The following PCDHGB4 variants were observed in gnomAD, a reference collection of about 807,000 sequenced individuals.
The protein encoded by PCDHGB4 is protocadherin gamma-B4.
PCDHGB4 carries 38 observed loss-of-function variants against 60.5 expected under a neutral mutation model. That is an observed-to-expected ratio of 0.63 (90% CI 0.48 to 0.82). The LOEUF (loss-of-function observed/expected upper bound fraction) is 0.82. Among genes scored for constraint, PCDHGB4 ranks in the 40% least tolerant of loss-of-function variants. The pLI is 0.00. For synonymous variants in PCDHGB4, 456 were observed against 509.7 expected, an observed-to-expected ratio of 0.89 and a Z score of 1.42; for missense variants, 1,109 against 1,209.6, an observed-to-expected ratio of 0.92 and a Z score of 1.23.
chr5:141,412,154 A>G (rs528810323), intron 1 of PCDHGB4: 1 of 152,344 alleles, frequency 6.6e-6, no homozygotes, highest in Admixed American at 6.5e-5. Flanking sequence ...ACTGCCTAAG[A>G]GAAGAGATTA....
At chr5:141,400,830 T>G (rs1194053653) in intron 1 of PCDHGB4, among the ~76,000 whole-genome samples, 2 of 152,244 alleles carry the variant, frequency 1.3e-5, no homozygotes, top group African/African-American at 2.4e-5. Flanking sequence ...GTTGTCTCAT[T>G]CTTTAACATG....
intron 1 of PCDHGB4, chr5:141,478,636 T>G: frequency 1.3e-6 from 2 of 1,552,744 alleles, no homozygotes; most frequent in South Asian, 2.4e-5. Flanking sequence ...TTTTTAGTGA[T>G]GAAGATGTTT....
rs1562142740 is a variant in PCDHGB4, at chr5:141,490,958, ACT to A, written c.2398-3847_2398-3846del. 1 of 1,613,728 alleles carries A rather than the reference ACT, an allele frequency of 6.2e-7. No homozygotes were observed. Among genetic ancestry groups the A allele is most frequent in the Non-Finnish European group, 8.5e-7 (1 of 1,179,830 alleles). On this transcript the variant is annotated intron_variant, in intron 1 of 3. Transcript: ENST00000519479. The surrounding 1 kb of genome is among the most constrained non-coding windows in gnomAD (Gnocchi z 5.4). Reference sequence around the variant, plus strand: ...CTGCACCCACGGCCAGACTGGGAACACTCAGCCCCCCAGCGTCTCCCTCGCTC... The same window carrying A: ...CTGCACCCACGGCCAGACTGGGAACACAGCCCCCCAGCGTCTCCCTCGCTC...
At chr5:141,419,936 G>C in intron 1 of PCDHGB4, 1 of 1,614,074 alleles carries the variant, frequency 6.2e-7, no homozygotes, top group Non-Finnish European at 8.5e-7. Context: ...GTTTTACCTG[G>C]TGGTGGCCTT....
intron 1 of PCDHGB4, chr5:141,423,087 G>C (rs756067751): frequency 1.2e-6 from 2 of 1,613,936 alleles, no homozygotes; most frequent in African/African-American, 1.3e-5. Context: ...TCTTCGCGGT[G>C]GGGGAGCACA....
chr5:141,421,799 A>G (rs778353620), intron 1 of PCDHGB4: 1 of 1,613,860 alleles, frequency 6.2e-7, no homozygotes, highest in South Asian at 1.1e-5. Flanking sequence ...GATGGGGCCA[A>G]GAATCCAGAG....
In PCDHGB4 at chr5:141,409,025, G is replaced by T. The variant is rs202094928; in HGVS notation, c.2397+18744G>T. Reference sequence around the variant, plus strand: ...CACTGACCAGGATGAGGGGGTCAATGCTGAGATAAACTACTACTTCCGAAG... The same window carrying T: ...CACTGACCAGGATGAGGGGGTCAATTCTGAGATAAACTACTACTTCCGAAG... On this transcript the variant is annotated intron_variant, in intron 1 of 3. Coordinates refer to ENST00000519479, the MANE Select transcript of PCDHGB4 (RefSeq NM_003736.4). 2.9e-3 allele frequency: 4,667 copies of T among 1,614,008 alleles called. 11 individuals are homozygous for T. The highest frequency in any genetic ancestry group is 3.6e-3 in the Non-Finnish European group (4,254 of 1,179,906).
chr5:141,426,431 A>G (rs916399837), intron 1 of PCDHGB4: 1 of 297,328 alleles, frequency 3.4e-6, no homozygotes, highest in Non-Finnish European at 6.7e-6. Context: ...GTGGTGGGGA[A>G]CCTTGCGGAG....
Position 141,431,241 on chromosome 5 carries a change from A to T in PCDHGB4, c.2397+40960A>T. On this transcript the variant is annotated intron_variant, in intron 1 of 3. Coordinates refer to ENST00000519479, the MANE Select transcript of PCDHGB4 (RefSeq NM_003736.4). This position sits in a 1 kb window ranked among gnomAD's most constrained non-coding sequence, Gnocchi z 4.8. ...CCTCTACCCCACGCCTGGGATCCGG[A>T]TATCGGGAAGAACTCTCTGCAGAGC... The T allele has an allele frequency of 6.2e-7, 1 of 1,614,138 alleles. No individual in the cohort carries two copies. The highest frequency in any genetic ancestry group is 8.5e-7 in the Non-Finnish European group (1 of 1,180,046).
intron 1 of PCDHGB4, among the ~76,000 whole-genome samples, chr5:141,472,561 T>C (rs1000220187): frequency 2.6e-5 from 4 of 151,632 alleles, no homozygotes; most frequent in African/African-American, 9.7e-5. Flanking sequence ...AATTATATTA[T>C]AAATGCTGCA....
rs775284049 is a variant in PCDHGB4 at position 141,431,448 on chromosome 5, T to C, written c.2397+41167T>C. On this transcript the variant is annotated intron_variant, in intron 1 of 3. Coordinates refer to ENST00000519479, the MANE Select transcript of PCDHGB4 (RefSeq NM_003736.4). The surrounding 1 kb of genome is among the most constrained non-coding windows in gnomAD (Gnocchi z 4.8). ...CGCACAGGCACCGCGCGCATCCGCG[T>C]GATGGTTCTGGATGCGAACGACAAC... 2.5e-6 allele frequency: 4 copies of C among 1,613,706 alleles called. No individual in the cohort carries two copies. The South Asian group carries it at 4.4e-5, about 18-fold the overall frequency.
In PCDHGB4 at chr5:141,440,050, G is replaced by C. The variant is rs747798063; in HGVS notation, c.2397+49769G>C. On this transcript the variant is annotated intron_variant, in intron 1 of 3. Coordinates refer to ENST00000519479, the MANE Select transcript of PCDHGB4 (RefSeq NM_003736.4). ...GTGTCGAGGACATGCCCACTTGAAA[G>C]CTTCGGGTTAATGCTGAGGAATAAT... 6 of 152,826 alleles carry C rather than the reference G, an allele frequency of 3.9e-5. No homozygotes were observed. The East Asian group carries it at 1.2e-3, about 29-fold the overall frequency. 9.5% of individuals were successfully genotyped at this position (152,826 alleles called of 1,614,324 possible). A position where few individuals can be genotyped will look rare whatever the true frequency, so the allele number is the denominator to read the frequency against.
At chr5:141,433,220 T>C (rs781745522) in intron 1 of PCDHGB4, 1 of 1,509,734 alleles carries the variant, frequency 6.6e-7, no homozygotes, top group South Asian at 1.2e-5. Flanking sequence ...TTTTTTTTTT[T>C]AATTGCTCTG....
At position 141,477,039 on chromosome 5, in the gene PCDHGB4, G is replaced by C. The variant is rs1313580652; in HGVS notation, c.2398-17768G>C. Reference sequence around the variant, plus strand: ...GTAACCGGGATGCTGACAATCAAGGGTCGGCTGGACTTCGAGGACACCAAA... The same window carrying C: ...GTAACCGGGATGCTGACAATCAAGGCTCGGCTGGACTTCGAGGACACCAAA... On this transcript the variant is annotated intron_variant, in intron 1 of 3. Coordinates refer to ENST00000519479, the MANE Select transcript of PCDHGB4 (RefSeq NM_003736.4). This position sits in a 1 kb window ranked among gnomAD's most constrained non-coding sequence, Gnocchi z 4.9. 1 of 1,614,144 alleles carries C rather than the reference G, an allele frequency of 6.2e-7. No individual in the cohort carries two copies. The highest frequency in any genetic ancestry group is 8.5e-7 in the Non-Finnish European group (1 of 1,180,056).
intron 3 of PCDHGB4, among the ~76,000 whole-genome samples, chr5:141,506,282 C>G (rs1422321122): frequency 6.6e-6 from 1 of 152,040 alleles, no homozygotes; most frequent in East Asian, 1.9e-4. Flanking sequence ...AACCCTGTCT[C>G]TACTAAAAAT....
At chr5:141,408,078 C>G in intron 1 of PCDHGB4, 1 of 1,407,992 alleles carries the variant, frequency 7.1e-7, no homozygotes, top group Non-Finnish European at 9.4e-7. Context: ...CCTTTCCCAG[C>G]ACAGCGGATT....
At chr5:141,481,533 T>TG (rs1246139713) in intron 1 of PCDHGB4, among the ~76,000 whole-genome samples, 2 of 152,200 alleles carry the variant, frequency 1.3e-5, no homozygotes, top group Admixed American at 6.5e-5. Context: ...AATCTAGAGA[T>TG]GGGGCTGGGC....
intron 1 of PCDHGB4, chr5:141,399,834 G>C (rs375768001): frequency 2.4e-5 from 39 of 1,613,004 alleles, no homozygotes; most frequent in Non-Finnish European, 2.9e-5. Flanking sequence ...ACGGCTCTGC[G>C]CTCTTCGATA....
Position 141,485,117 on chromosome 5 carries a change from G to A in PCDHGB4, c.2398-9690G>A. The A allele has an allele frequency of 3.0e-6, 4 of 1,326,200 alleles. No homozygotes were observed. The highest frequency in any genetic ancestry group is 4.3e-6 in the Non-Finnish European group (4 of 933,470). 82.2% of individuals were successfully genotyped at this position (1,326,200 alleles called of 1,614,324 possible). On this transcript the variant is annotated intron_variant, in intron 1 of 3. Transcript: ENST00000519479. The surrounding 1 kb of genome is among the most constrained non-coding windows in gnomAD (Gnocchi z 5.7). ...GTCTCCAGCTGCTGTGGCTGTTTGG[G>A]GCGGGTCGGCTTCATCCGCGTCTCA...
Sources: gnomAD v4.1 joint callset for allele counts (sites outside exome capture counted in the v4.1 genomes callset) on GRCh38, gnomAD v4.1.1 for gene constraint, Gnocchi (gnomAD v3.1) non-coding constraint, MANE v1.5 for transcripts, NCBI Gene and HGNC (gene_info 2026-07-23, HGNC 2026-07-21) for gene names.